Variants in ANGPTL7 observed in about 807,000 individuals in gnomAD.
The protein encoded by ANGPTL7 is angiopoietin-related protein 7.
Under a neutral mutation model 38.8 loss-of-function variants are expected in ANGPTL7, and 37 were observed. The observed-to-expected ratio is 0.95, with a 90% CI of 0.73 to 1.25. The LOEUF is 1.25. Among genes scored for constraint, ANGPTL7 ranks in the 50% most tolerant of loss-of-function variants. The pLI, the probability that ANGPTL7 is intolerant of heterozygous loss-of-function variation, is 0.00. For synonymous variants in ANGPTL7, 166 were observed against 163.2 expected, an observed-to-expected ratio of 1.02 and a Z score of -0.13; for missense variants, 427 against 438.6, an observed-to-expected ratio of 0.97 and a Z score of 0.24.
chr1:11,193,608 G>T lies in ANGPTL7; in HGVS notation c.506G>T (p.Gly169Val). Residue 169 changes from glycine to valine, a missense_variant, in exon 3 of 5, where the codon GGA (glycine) becomes GTA (valine). Coordinates refer to ENST00000376819, the MANE Select transcript of ANGPTL7 (RefSeq NM_021146.4). ...EVFCDMETSG[G>V]GWTIIQRRKS... ...TTCTGTGACATGGAGACTTCAGGCGGAGGCTGGACCATCATCCAGAGACGA... is the reference window on the plus strand; with the variant it reads ...TTCTGTGACATGGAGACTTCAGGCGTAGGCTGGACCATCATCCAGAGACGA... 1 of 1,606,700 alleles carries T rather than the reference G, an allele frequency of 6.2e-7. No individual in the cohort carries two copies. Among genetic ancestry groups the T allele is most frequent in the South Asian group, 1.1e-5 (1 of 89,806 alleles).
At chr1:11,194,154 G>A (rs1009014007) in intron 3 of ANGPTL7, among the ~76,000 whole-genome samples, 1 of 152,174 alleles carries the variant, frequency 6.6e-6, no homozygotes, top group Non-Finnish European at 1.5e-5. Flanking sequence ...ATATCCTCAT[G>A]TTTCTCTTAC....
chr1:11,194,412 T>G, intron 3 of ANGPTL7, 49 bp from the exon 4 acceptor site: 4 of 1,579,420 alleles, frequency 2.5e-6, no homozygotes, highest in Non-Finnish European at 3.5e-6. Context: ...AGAGACAGCA[T>G]GAAATGGAGC....
chr1:11,191,364 T>C (rs998720429), intron 1 of ANGPTL7, among the ~76,000 whole-genome samples: 1 of 152,194 alleles, frequency 6.6e-6, no homozygotes, highest in Non-Finnish European at 1.5e-5. Context: ...GCACACGTAC[T>C]CTACCTCCCT....
chr1:11,195,251 C>G lies in ANGPTL7; in HGVS notation c.*228C>G. On this transcript the variant is annotated 3_prime_UTR_variant, in exon 5 of 5. Transcript: ENST00000376819. ...CCACTGGGTCCTGCCACATCCTTCT[C>G]AAGGTGGTAGACTGAGTGGGGTCTC... 1 of 516,584 alleles carries G rather than the reference C, an allele frequency of 1.9e-6. No individual in the cohort carries two copies. Among genetic ancestry groups the G allele is most frequent in the Non-Finnish European group, 3.4e-6 (1 of 293,440 alleles). 32.0% of individuals were successfully genotyped at this position (516,584 alleles called of 1,614,324 possible). A position where few individuals can be genotyped will look rare whatever the true frequency, so the allele number is the denominator to read the frequency against.
At position 11,195,123 on chromosome 1, in the gene ANGPTL7, G is replaced by A. The variant is rs1021350791; in HGVS notation, c.*100G>A. ...AGAGAGTGTTAGAAAGGGTAGGACTGAGAAACAGCCTATAATCTCCAAAGA... is the reference window on the plus strand; with the variant it reads ...AGAGAGTGTTAGAAAGGGTAGGACTAAGAAACAGCCTATAATCTCCAAAGA... On this transcript the variant is annotated 3_prime_UTR_variant, in exon 5 of 5. Transcript: ENST00000376819. 6.5e-5 allele frequency: 81 copies of A among 1,243,220 alleles called. No homozygotes were observed. The highest frequency in any genetic ancestry group is 8.8e-5 in the Non-Finnish European group (79 of 900,220). 77.0% of individuals were successfully genotyped at this position (1,243,220 alleles called of 1,614,324 possible). A position where few individuals can be genotyped will look rare whatever the true frequency, so the allele number is the denominator to read the frequency against.
At chr1:11,192,892 A>C (rs957353759) in intron 2 of ANGPTL7, among the ~76,000 whole-genome samples, 3 of 152,164 alleles carry the variant, frequency 2.0e-5, no homozygotes, top group Non-Finnish European at 2.9e-5. Context: ...GTCAAACAAC[A>C]AGCCTTCTAA....
intron 3 of ANGPTL7, 37 bp from the exon 4 acceptor site, chr1:11,194,424 T>C (rs1166549511): frequency 1.2e-6 from 2 of 1,604,414 alleles, no homozygotes; most frequent in Non-Finnish European, 1.7e-6. Flanking sequence ...AAATGGAGCC[T>C]GCTGCACTTT....
intron 1 of ANGPTL7, 91 bp downstream of exon 1, chr1:11,190,046 G>A: frequency 6.9e-7 from 1 of 1,457,802 alleles, no homozygotes; most frequent in Non-Finnish European, 9.2e-7. Context: ...CCACTACTGG[G>A]GCCTCTTTTG....
At chr1:11,194,717 G>C in intron 4 of ANGPTL7, 58 bp downstream of exon 4, 1 of 1,609,802 alleles carries the variant, frequency 6.2e-7, no homozygotes, top group Non-Finnish European at 8.5e-7. Context: ...AATCCCACTT[G>C]AGGAGAAAGA....
At position 11,193,687 on chromosome 1, in the gene ANGPTL7, T is replaced by C. The variant is rs778660297; in HGVS notation, c.585T>C (p.Phe195=). 14 of 1,614,006 alleles carry C rather than the reference T, an allele frequency of 8.7e-6. No individual in the cohort carries two copies. The highest frequency in any genetic ancestry group is 1.2e-5 in the Non-Finnish European group (14 of 1,180,032). The change falls in exon 3 of 5, where the codon TTT becomes TTC. Residue 195 remains phenylalanine, a synonymous_variant. Coordinates refer to ENST00000376819, the MANE Select transcript of ANGPTL7 (RefSeq NM_021146.4). ...ACTGGAAGCAGTACAAGCAGGGCTT[T>C]GGCAGCATCCGTGGGGACTTCTGGC... ...YRDWKQYKQG[F]GSIRGDFWLG...
At chr1:11,193,910 A>G in intron 3 of ANGPTL7, 136 bp downstream of exon 3, 1 of 1,017,248 alleles carries the variant, frequency 9.8e-7, no homozygotes. Flanking sequence ...TGCAAGTTGT[A>G]ATGGAGTTGA....
intron 4 of ANGPTL7, 97 bp downstream of exon 4, chr1:11,194,756 C>T (rs953021737): frequency 1.1e-5 from 18 of 1,595,436 alleles, no homozygotes; most frequent in South Asian, 5.6e-5. Context: ...GTTGATATTC[C>T]GGTTTTGGTA....
Position 11,194,915 on chromosome 1 carries a change from TG to T in ANGPTL7, c.934del (p.Glu312SerfsTer26). 6.2e-7 allele frequency: 1 copy of T among 1,614,122 alleles called. No homozygotes were observed. The highest frequency in any genetic ancestry group is 8.5e-7 in the Non-Finnish European group (1 of 1,180,036). Reference sequence around the variant, plus strand: ...TCAATGGAGTGTACTACCGCCTGGGTGAGCACAATAAGCACCTGGATGGCAT... The same window carrying T: ...TCAATGGAGTGTACTACCGCCTGGGTAGCACAATAAGCACCTGGATGGCAT... Reference protein sequence around the residue: ...NLNGVYYRLGEHNKHLDGITW... With the variant: ...NLNGVYYRLGXHNKHLDGITW... On this transcript the variant is annotated frameshift_variant, in exon 5 of 5. Coordinates refer to ENST00000376819, the MANE Select transcript of ANGPTL7 (RefSeq NM_021146.4). LOFTEE classifies it high-confidence loss of function.
At chr1:11,191,274 A>G (rs545451580) in intron 1 of ANGPTL7, among the ~76,000 whole-genome samples, 1 of 152,226 alleles carries the variant, frequency 6.6e-6, no homozygotes, top group East Asian at 1.9e-4. Flanking sequence ...CTTATATTCT[A>G]TAAGTAGGTA....
chr1:11,194,923 A>G lies in ANGPTL7; in HGVS notation c.941A>G (p.Asn314Ser), dbSNP rs1557829991. Residue 314 changes from asparagine (N) to serine (S), a missense_variant, in exon 5 of 5, where the codon AAT (asparagine) becomes AGT (serine). Asn to Ser is a conservative substitution (Grantham distance 46). Coordinates refer to ENST00000376819, the MANE Select transcript of ANGPTL7 (RefSeq NM_021146.4). ...GTGTACTACCGCCTGGGTGAGCACA[A>G]TAAGCACCTGGATGGCATCACCTGG... ...NGVYYRLGEH[N>S]KHLDGITWYG... 1.9e-6 allele frequency: 3 copies of G among 1,614,184 alleles called. No homozygotes were observed. Among genetic ancestry groups the G allele is most frequent in the African/African-American group, 1.3e-5 (1 of 75,050 alleles).
chr1:11,192,190 TA>T, intron 1 of ANGPTL7, 79 bp from the exon 2 acceptor site: 1 of 1,049,874 alleles, frequency 9.5e-7, no homozygotes, highest in Non-Finnish European at 1.5e-6. Flanking sequence ...AGGGTAGAAA[TA>T]AAGGCTCAGT....
At chr1:11,194,333 T>C (rs1012296818) in intron 3 of ANGPTL7, 128 bp from the exon 4 acceptor site, 156 of 878,632 alleles carry the variant, frequency 1.8e-4, no homozygotes, top group Non-Finnish European at 2.5e-4. Context: ...AAACAAGTAA[T>C]AAAGTCTTAT....
In ANGPTL7 at chr1:11,193,697, C is replaced by T. The variant is rs776858069; in HGVS notation, c.595C>T (p.Arg199Cys). Reference protein sequence around the residue: ...KQYKQGFGSIRGDFWLGNEHI... With the variant: ...KQYKQGFGSICGDFWLGNEHI... ...GTACAAGCAGGGCTTTGGCAGCATC[C>T]GTGGGGACTTCTGGCTGGGGAACGA... Residue 199 changes from arginine to cysteine, a missense_variant, in exon 3 of 5, where the codon CGT becomes TGT. Transcript: ENST00000376819. The T allele has an allele frequency of 1.4e-5, 22 of 1,614,090 alleles. No individual in the cohort carries two copies. The East Asian group carries it at 2.0e-4, about 15-fold the overall frequency.
rs762956547 is a variant in ANGPTL7, at chr1:11,189,728, A to C, written c.149A>C (p.Lys50Thr). 5 of 1,614,204 alleles carry C rather than the reference A, an allele frequency of 3.1e-6. No homozygotes were observed. Among genetic ancestry groups the C allele is most frequent in the Non-Finnish European group, 4.2e-6 (5 of 1,180,036 alleles). Residue 50 changes from lysine (K) to threonine (T), a missense_variant, in exon 1 of 5, where the codon AAG (lysine) becomes ACG (threonine). Coordinates refer to ENST00000376819, the MANE Select transcript of ANGPTL7 (RefSeq NM_021146.4). ...LKAANCCEEV[K>T]ELKAQVANLS... ...GCGGCCAACTGCTGTGAGGAGGTGA[A>C]GGAGCTCAAGGCCCAAGTTGCCAAC...
Sources: gnomAD v4.1 joint callset for allele counts (sites outside exome capture counted in the v4.1 genomes callset) on GRCh38, gnomAD v4.1.1 for gene constraint, MANE v1.5 for transcripts, NCBI Gene and HGNC (gene_info 2026-07-23, HGNC 2026-07-21) for gene names.